Variants in ADCY10 observed in about 807,000 individuals in gnomAD.
ADCY10 encodes adenylate cyclase 10, also known as adenylate cyclase type 10.
ADCY10 carries 156 observed loss-of-function variants against 183.3 expected under a neutral mutation model. The observed-to-expected ratio is 0.85, with a 90% CI of 0.75 to 0.97. The LOEUF is 0.97. Ranked by LOEUF, ADCY10 falls within the 50% of genes least tolerant of loss-of-function variation. The pLI is 0.00. For missense variants in ADCY10, 1,745 were observed against 1,934.3 expected (o/e 0.90, Z 1.84); for synonymous variants, 645 against 670.0 (o/e 0.96, Z 0.58).
intron 1 of ADCY10, among the ~76,000 whole-genome samples, chr1:167,910,427 T>G (rs1023241577): frequency 2.6e-5 from 4 of 152,210 alleles, no homozygotes; most frequent in African/African-American, 9.7e-5. Context: ...TGTAGTTGTC[T>G]TCAAATATTT....
At chr1:167,899,335 T>G in intron 6 of ADCY10, 88 bp downstream of exon 6, 2 of 1,348,252 alleles carry the variant, frequency 1.5e-6, no homozygotes, top group Middle Eastern at 4.1e-4. Context: ...AGGAGCTTTA[T>G]GAAACCAGCG....
intron 6 of ADCY10, 69 bp downstream of exon 6, chr1:167,899,354 G>C: frequency 6.7e-7 from 1 of 1,492,238 alleles, no homozygotes; most frequent in Non-Finnish European, 9.3e-7. Flanking sequence ...CGTGCCCAGT[G>C]ACTCTTCTGG....
chr1:167,904,873 T>G (rs1669706698), intron 2 of ADCY10, 120 bp downstream of exon 2: 1 of 1,321,498 alleles, frequency 7.6e-7, no homozygotes, highest in African/African-American at 1.4e-5. Flanking sequence ...GGAGCACATC[T>G]GCTGTGACAG....
At chr1:167,894,535 A>T (rs557353174) in intron 7 of ADCY10, among the ~76,000 whole-genome samples, 18 of 152,278 alleles carry the variant, frequency 1.2e-4, no homozygotes, top group Middle Eastern at 3.4e-3. Flanking sequence ...GATGGTAGGA[A>T]TGAGTTTGAG....
At chr1:167,836,656 G>A (rs1267253020) in intron 22 of ADCY10, 116 bp from the exon 23 acceptor site, 20 of 720,582 alleles carry the variant, frequency 2.8e-5, no homozygotes, top group Admixed American at 4.4e-5. Flanking sequence ...TTGGGAGGCC[G>A]AAGCTGGTGG....
intron 12 of ADCY10, among the ~76,000 whole-genome samples, chr1:167,877,535 A>T (rs1667556283): frequency 6.6e-6 from 1 of 152,070 alleles, no homozygotes; most frequent in Admixed American, 6.6e-5. Flanking sequence ...ATTCATCATT[A>T]TTGAGGACCT....
At chr1:167,889,719 A>G (rs1272442196) in intron 8 of ADCY10, among the ~76,000 whole-genome samples, 2 of 152,086 alleles carry the variant, frequency 1.3e-5, no homozygotes, top group Non-Finnish European at 2.9e-5. Context: ...GTTACTTGTT[A>G]TTTATCTGTT....
intron 21 of ADCY10, among the ~76,000 whole-genome samples, chr1:167,842,956 G>A (rs1354708175): frequency 6.6e-6 from 1 of 152,128 alleles, no homozygotes; most frequent in Non-Finnish European, 1.5e-5. Flanking sequence ...GGGACGGTCG[G>A]CCATGGGATT....
Position 167,818,059 on chromosome 1 carries a change from G to A in ADCY10, c.4482+13C>T. ...GGCATATTTTATACTGGAAACTGGAGAATAGGCCTCACCTTGAGTAGCTCC... is the reference window on the plus strand; with the variant it reads ...GGCATATTTTATACTGGAAACTGGAAAATAGGCCTCACCTTGAGTAGCTCC... On this transcript the variant is annotated intron_variant, in intron 31 of 32. Coordinates refer to ENST00000367851, the MANE Select transcript of ADCY10 (RefSeq NM_018417.6). 6.2e-7 allele frequency: 1 copy of A among 1,613,286 alleles called. No homozygotes were observed. Among genetic ancestry groups the A allele is most frequent in the Non-Finnish European group, 8.5e-7 (1 of 1,179,206 alleles).
At chr1:167,903,499 G>A (rs1017540690) in intron 3 of ADCY10, among the ~76,000 whole-genome samples, 4 of 151,982 alleles carry the variant, frequency 2.6e-5, no homozygotes, top group Non-Finnish European at 2.9e-5. Flanking sequence ...AGGAGGCGAA[G>A]GTTGCAGTGA....
At chr1:167,857,693 A>T (rs1166503196) in intron 16 of ADCY10, among the ~76,000 whole-genome samples, 1 of 152,200 alleles carries the variant, frequency 6.6e-6, no homozygotes, top group Non-Finnish European at 1.5e-5. Flanking sequence ...TAATTAACTC[A>T]CTTAATCCTC....
intron 8 of ADCY10, among the ~76,000 whole-genome samples, chr1:167,883,861 TA>T (rs1668038988): frequency 1.3e-5 from 2 of 152,180 alleles, no homozygotes; most frequent in Non-Finnish European, 2.9e-5. Flanking sequence ...ACCACTCCAT[TA>T]CCCCAACTGC....
rs756134515 is a variant in ADCY10 at position 167,845,596 on chromosome 1, T to C, written c.2974A>G (p.Ile992Val). The C allele has an allele frequency of 2.5e-6, 4 of 1,614,118 alleles. No homozygotes were observed. In the African/African-American group the frequency reaches 5.3e-5, roughly 22 times the overall value. Residue 992 changes from isoleucine (I) to valine (V), a missense_variant, in exon 21 of 33, where the codon ATT (isoleucine) becomes GTT (valine). By Grantham distance (29) the Ile-to-Val change is conservative. Coordinates refer to ENST00000367851, the MANE Select transcript of ADCY10 (RefSeq NM_018417.6). ...IRLNALDMDA[I>V]KKMAMSHGFK... is the part of the protein sequence containing the mutation. ...CCATGAGACATAGCCATCTTTTTAA[T>C]GGCATCCATGTCTAAAGCGTTGAGC...
At chr1:167,895,974 T>G (rs574344703) in intron 7 of ADCY10, among the ~76,000 whole-genome samples, 17 of 152,114 alleles carry the variant, frequency 1.1e-4, no homozygotes, top group African/African-American at 4.1e-4. Flanking sequence ...ATAATACTTT[T>G]GAACTCAAGG....
At position 167,809,806 on chromosome 1, in the gene ADCY10, C is replaced by T. The variant is rs1165118798; in HGVS notation, c.4705G>A (p.Asp1569Asn). ...SWYSTSELKE[D>N]QWLQTILSLP... ...CTCAAGATCGTCTGAAGCCATTGGT[C>T]TTCTTTTAACTCAGAGGTTGAGTAC... Residue 1569 changes from aspartate to asparagine, a missense_variant, in exon 33 of 33, where the codon GAC becomes AAC. Asp to Asn is a conservative substitution (Grantham distance 23). Coordinates refer to ENST00000367851, the MANE Select transcript of ADCY10 (RefSeq NM_018417.6). 4 of 1,614,060 alleles carry T rather than the reference C, an allele frequency of 2.5e-6. No homozygotes were observed. The highest frequency in any genetic ancestry group is 3.4e-6 in the Non-Finnish European group (4 of 1,179,968).
chr1:167,856,528 C>A, intron 16 of ADCY10, 89 bp from the exon 17 acceptor site: 2 of 1,358,854 alleles, frequency 1.5e-6, no homozygotes, highest in Middle Eastern at 5.0e-4. Flanking sequence ...ATCCATTGAG[C>A]TTCCTGGTTT....
At chr1:167,861,690 A>G (rs1666297892) in intron 14 of ADCY10, among the ~76,000 whole-genome samples, 1 of 152,102 alleles carries the variant, frequency 6.6e-6, no homozygotes, top group Non-Finnish European at 1.5e-5. Flanking sequence ...ACAATTCTCT[A>G]TTGCATGACT....
intron 29 of ADCY10, among the ~76,000 whole-genome samples, chr1:167,822,491 CAT>C (rs974824159): frequency 3.9e-5 from 6 of 152,144 alleles, no homozygotes; most frequent in East Asian, 1.9e-4. Context: ...TTCAAGATCA[CAT>C]GTGGGGAAAA....
intron 31 of ADCY10, among the ~76,000 whole-genome samples, chr1:167,815,064 G>T (rs1662445499): frequency 6.6e-6 from 1 of 152,148 alleles, no homozygotes; most frequent in African/African-American, 2.4e-5. Context: ...GACGGAGGTT[G>T]CAGTGAGCCG....
Sources: allele counts gnomAD v4.1 joint callset (sites outside exome capture counted in the v4.1 genomes callset), GRCh38; gene constraint gnomAD v4.1.1; transcripts MANE v1.5; gene names NCBI Gene and HGNC (gene_info 2026-07-23, HGNC 2026-07-21).